The following CACNA2D3 variants were observed in gnomAD, a reference collection of about 807,000 sequenced individuals.
CACNA2D3 encodes the protein voltage-dependent calcium channel subunit alpha-2/delta-3.
In CACNA2D3, 60 loss-of-function variants were observed where a neutral mutation model predicts 160.6. The ratio of observed to expected loss-of-function variants is 0.37; its 90% confidence interval spans 0.30 to 0.46. The LOEUF is 0.46. Ranked by LOEUF, CACNA2D3 falls within the 20% of genes least tolerant of loss-of-function variation. The pLI is 1.00. For missense variants in CACNA2D3, 1,205 were observed against 1,365.0 expected (o/e 0.88, Z 1.85); for synonymous variants, 558 against 492.9 (o/e 1.13, Z -1.75).
At chr3:54,391,124 A>G (rs1412996253) in intron 4 of CACNA2D3, among the ~76,000 whole-genome samples, 1 of 152,228 alleles carries the variant, frequency 6.6e-6, no homozygotes, top group East Asian at 1.9e-4. Context: ...CTCTCGCTTT[A>G]GACTGGAGAC....
intron 9 of CACNA2D3, among the ~76,000 whole-genome samples, chr3:54,611,222 T>C (rs1271134469): frequency 2.0e-5 from 3 of 152,240 alleles, no homozygotes; most frequent in African/African-American, 2.4e-5. Context: ...AACTGTACTC[T>C]GTGCATGTGG....
At chr3:54,398,267 A>G (rs1297595044) in intron 4 of CACNA2D3, among the ~76,000 whole-genome samples, 1 of 124,296 alleles carries the variant, frequency 8.0e-6, no homozygotes, top group Non-Finnish European at 1.7e-5. Context: ...TTGACTCTTT[A>G]TCCAACTTCC....
rs114293690 is a variant in CACNA2D3 at position 54,551,248 on chromosome 3, A to C, written c.545-11552A>C. Among the ~76,000 whole-genome samples the C allele has an allele frequency of 3.6e-3, 541 of 151,890 alleles. 7 individuals carry two copies. Among genetic ancestry groups the C allele is most frequent in the African/African-American group, 0.012 (516 of 41,388 alleles). On this transcript the variant is annotated intron_variant, in intron 5 of 37. Transcript: ENST00000474759. ...CTCTGCGTTCTGCAGATTCCATTTT[A>C]CCCCAATGAGCTGTGCACTCCACTA... is the stretch of plus-strand genomic sequence containing the variant.
chr3:54,809,074 C>G (rs1020719074), intron 13 of CACNA2D3, among the ~76,000 whole-genome samples: 1 of 152,072 alleles, frequency 6.6e-6, no homozygotes, highest in African/African-American at 2.4e-5. Context: ...CTCTAGAGTT[C>G]AGAGACGCTA....
Position 54,309,630 on chromosome 3 carries a change from G to C in CACNA2D3, c.205-10812G>C, listed in dbSNP as rs145233917. Among the ~76,000 whole-genome samples the C allele has an allele frequency of 3.5e-3, 536 of 152,256 alleles. 1 individual carries two copies. Among genetic ancestry groups the C allele is most frequent in the Non-Finnish European group, 5.7e-3 (390 of 68,034 alleles). ...ACAGCTAGTTGGGAGCATGGGCTCT[G>C]GGGGCACTGGGCCTGGGACCCCTGA... On this transcript the variant is annotated intron_variant, in intron 2 of 37. Transcript: ENST00000474759.
At chr3:54,612,792 G>A (rs936762579) in intron 9 of CACNA2D3, among the ~76,000 whole-genome samples, 2 of 152,058 alleles carry the variant, frequency 1.3e-5, no homozygotes, top group Non-Finnish European at 2.9e-5. Context: ...CCTGCTAATC[G>A]CCCCATTTAA....
intron 11 of CACNA2D3, among the ~76,000 whole-genome samples, chr3:54,687,653 A>G (rs543492382): frequency 6.6e-6 from 1 of 152,222 alleles, no homozygotes; most frequent in Non-Finnish European, 1.5e-5. Context: ...TACTTATTGC[A>G]TGTTGGAGAC....
At chr3:54,836,950 A>G (rs1231858906) in intron 14 of CACNA2D3, among the ~76,000 whole-genome samples, 1 of 152,220 alleles carries the variant, frequency 6.6e-6, no homozygotes, top group African/African-American at 2.4e-5. Flanking sequence ...GACTAATGAC[A>G]AATGATTTGT....
chr3:54,584,830 A>G (rs1205282994), intron 9 of CACNA2D3, among the ~76,000 whole-genome samples: 1 of 152,250 alleles, frequency 6.6e-6, no homozygotes, highest in Non-Finnish European at 1.5e-5. Flanking sequence ...TAGATTTCTC[A>G]TATGAAATCA....
At chr3:54,865,581 C>G (rs912890066) in intron 17 of CACNA2D3, among the ~76,000 whole-genome samples, 2 of 152,238 alleles carry the variant, frequency 1.3e-5, no homozygotes, top group Non-Finnish European at 2.9e-5. Flanking sequence ...GCCACAGGCC[C>G]CTCTGGCCTT....
intron 11 of CACNA2D3, among the ~76,000 whole-genome samples, chr3:54,707,884 T>C (rs1277668462): frequency 2.0e-5 from 3 of 152,220 alleles, no homozygotes; most frequent in Admixed American, 1.3e-4. Flanking sequence ...GTTTATCTGA[T>C]GGAAAGGCCC....
At chr3:55,069,183 C>T (rs1453826541) in intron 35 of CACNA2D3, among the ~76,000 whole-genome samples, 1 of 152,138 alleles carries the variant, frequency 6.6e-6, no homozygotes, top group Non-Finnish European at 1.5e-5. Context: ...AAGCAACTGC[C>T]CTTCCCTTTT....
chr3:54,786,811 C>T (rs180806419), intron 13 of CACNA2D3, among the ~76,000 whole-genome samples: 13 of 152,278 alleles, frequency 8.5e-5, no homozygotes, highest in African/African-American at 2.9e-4. Context: ...GGAGCACATA[C>T]GGTGACACCT....
intron 2 of CACNA2D3, among the ~76,000 whole-genome samples, chr3:54,221,297 T>C (rs1219623170): frequency 2.0e-5 from 3 of 152,224 alleles, no homozygotes; most frequent in Admixed American, 6.5e-5. Context: ...AATGGTACCG[T>C]CATGACTAAA....
intron 35 of CACNA2D3, among the ~76,000 whole-genome samples, chr3:55,019,024 C>T (rs965830231): frequency 1.3e-5 from 2 of 149,938 alleles, no homozygotes; most frequent in Admixed American, 6.6e-5. Context: ...CTCAAGCAGT[C>T]CTCCTGTCTC....
At chr3:54,137,219 G>A (rs1483035547) in intron 2 of CACNA2D3, among the ~76,000 whole-genome samples, 2 of 152,210 alleles carry the variant, frequency 1.3e-5, no homozygotes, top group African/African-American at 4.8e-5. Flanking sequence ...ATAGAAATGA[G>A]GGCTTTGGAG....
intron 2 of CACNA2D3, among the ~76,000 whole-genome samples, chr3:54,149,876 A>AGT (rs1485456388): frequency 0.013 from 1,154 of 86,788 alleles, 151 homozygotes; most frequent in Admixed American, 0.018. Flanking sequence ...GCTGTCCTGA[A>AGT]GTATCTGTCT....
intron 21 of CACNA2D3, among the ~76,000 whole-genome samples, chr3:54,883,437 T>C (rs933192086): frequency 3.9e-5 from 6 of 152,174 alleles, no homozygotes; most frequent in Non-Finnish European, 5.9e-5. Flanking sequence ...GAAGGACCAA[T>C]GTCAGAGGTG....
intron 5 of CACNA2D3, among the ~76,000 whole-genome samples, chr3:54,541,182 C>T (rs1466045298): frequency 6.9e-6 from 1 of 145,062 alleles, no homozygotes; most frequent in Non-Finnish European, 1.5e-5. Context: ...GAGGCTGAGG[C>T]AGGAGAATGG....
Sources: allele counts gnomAD v4.1 joint callset (sites outside exome capture counted in the v4.1 genomes callset), GRCh38; gene constraint gnomAD v4.1.1; transcripts MANE v1.5; gene names NCBI Gene and HGNC (gene_info 2026-07-23, HGNC 2026-07-21).